The following BUB1B variants were observed in gnomAD, a reference collection of about 807,000 sequenced individuals.
The protein encoded by BUB1B is BUB1 mitotic checkpoint serine/threonine kinase B, also known as mitotic checkpoint serine/threonine-protein kinase BUB1 beta.
A neutral mutation model predicts 137.7 loss-of-function variants in BUB1B; 86 were observed. The ratio of observed to expected loss-of-function variants is 0.62; its 90% CI spans 0.52 to 0.75. The LOEUF is 0.75. Among genes scored for constraint, BUB1B ranks in the 30% least tolerant of loss-of-function variants. BUB1B has a pLI of 0.00. For synonymous variants in BUB1B, 420 were observed against 417.9 expected (o/e 1.00, Z -0.06); for missense variants, 1,130 against 1,236.9 (o/e 0.91, Z 1.30).
In BUB1B at chr15:40,202,425, AT is replaced by A; in HGVS notation, c.1593del (p.Phe531LeufsTer22). On this transcript the variant is annotated frameshift_variant, in exon 13 of 23. Coordinates refer to ENST00000287598, the MANE Select transcript of BUB1B (RefSeq NM_001211.6). LOFTEE classifies it high-confidence loss of function. The stretch of plus-strand genomic sequence containing the variant: ...TCTAGGTCCCAGTGTACCTTTCTCC[AT>A]TTTTGATGAGTTTCTTCTTTCAGAA... ...HSKGPSVPFS[I>X]FDEFLLSEKK... 6.2e-7 allele frequency: 1 copy of A among 1,611,576 alleles called. No individual in the cohort carries two copies. The highest frequency in any genetic ancestry group is 8.5e-7 in the Non-Finnish European group (1 of 1,179,154).
At chr15:40,203,533 G>A (rs530224384) in intron 14 of BUB1B, among the ~76,000 whole-genome samples, 19 of 152,176 alleles carry the variant, frequency 1.2e-4, no homozygotes, top group African/African-American at 4.6e-4. Flanking sequence ...TCAATTTTAT[G>A]GTATATGAAT....
chr15:40,161,915 T>C (rs115194733), intron 1 of BUB1B, among the ~76,000 whole-genome samples: 150 of 152,348 alleles, frequency 9.8e-4, no homozygotes, highest in African/African-American at 3.5e-3. Flanking sequence ...ATGTAACAAG[T>C]ATTTTTTTGG....
chr15:40,219,732 G>A (rs2037865132), intron 22 of BUB1B, among the ~76,000 whole-genome samples: 1 of 149,228 alleles, frequency 6.7e-6, no homozygotes, highest in Non-Finnish European at 1.5e-5. Context: ...AAAAAACTAA[G>A]TATCTACGTT....
chr15:40,169,336 AT>A (rs2037135240), intron 2 of BUB1B, among the ~76,000 whole-genome samples: 1 of 152,096 alleles, frequency 6.6e-6, no homozygotes, highest in Non-Finnish European at 1.5e-5. Flanking sequence ...AACCCTTTAC[AT>A]TTAAGACTAG....
At chr15:40,190,276 A>G (rs1271475698) in intron 8 of BUB1B, among the ~76,000 whole-genome samples, 1 of 152,176 alleles carries the variant, frequency 6.6e-6, no homozygotes, top group African/African-American at 2.4e-5. Flanking sequence ...CAACTTCAGC[A>G]TGTGATTTAT....
At chr15:40,173,295 TAAAAAAAAAA>T (rs61078619) in intron 4 of BUB1B, among the ~76,000 whole-genome samples, 1 of 85,898 alleles carries the variant, frequency 1.2e-5, no homozygotes, top group Non-Finnish European at 2.4e-5. Context: ...GAAAAAAAGA[TAAAAAAAAAA>T]AAAAAAAAAA....
At position 40,183,864 on chromosome 15, in the gene BUB1B, T is replaced by A. The variant is rs780852497; in HGVS notation, c.732T>A (p.Arg244=). The A allele has an allele frequency of 1.1e-5, 18 of 1,613,948 alleles. No individual in the cohort carries two copies. The highest frequency in any genetic ancestry group is 5.0e-5 in the Admixed American group (3 of 59,994). ...GKKTARAPII[R]VGGALKAPSQ... is the part of the protein sequence containing the mutation. ...AGACAGCAAGAGCTCCAATCATCCG[T>A]GTAGGAGGTGCTCTCAAGGGTAAGT... is the stretch of plus-strand genomic sequence containing the variant. Residue 244 remains arginine, a synonymous_variant, in exon 6 of 23, where the codon CGT becomes CGA. Transcript: ENST00000287598.
rs1366874217 is a variant in BUB1B, at chr15:40,185,621, A to G, written c.1037A>G (p.Glu346Gly). 2.5e-6 allele frequency: 4 copies of G among 1,614,074 alleles called. No homozygotes were observed. The Admixed American group carries it at 6.7e-5, about 27-fold the overall frequency. Reference protein sequence around the residue: ...VLPSFTPYVEETARQPVMTPC... With the variant: ...VLPSFTPYVEGTARQPVMTPC... ...CCCAGTTTCACTCCATATGTGGAAG[A>G]GACTGCACGACAGCCAGTTATGTGA... is the stretch of plus-strand genomic sequence containing the variant. Residue 346 changes from glutamate to glycine, a missense_variant, in exon 8 of 23, where the codon GAG (glutamate) becomes GGG (glycine). Physicochemically the swap from Glu to Gly is moderately conservative, Grantham distance 98. Coordinates refer to ENST00000287598, the MANE Select transcript of BUB1B (RefSeq NM_001211.6).
intron 1 of BUB1B, among the ~76,000 whole-genome samples, chr15:40,161,627 G>A (rs2037043960): frequency 6.6e-6 from 1 of 152,200 alleles, no homozygotes; most frequent in Non-Finnish European, 1.5e-5. Context: ...GGTTCTGGGG[G>A]AATTCAAAGT....
In BUB1B at chr15:40,183,745, CTG is replaced by C; in HGVS notation, c.615_616del (p.Leu206GlyfsTer3). The stretch of plus-strand genomic sequence containing the variant: ...CCAAGCTCGAGTGTCTCGGCAAACT[CTG>C]TTGGCACTTGAGAAAGAAGAAGAGG... ...QFQARVSRQT[L>X]LALEKEEEEE... is the part of the protein sequence containing the mutation. On this transcript the variant is annotated frameshift_variant, in exon 6 of 23. Transcript: ENST00000287598. LOFTEE classifies it high-confidence loss of function. 1 of 1,614,106 alleles carries C rather than the reference CTG, an allele frequency of 6.2e-7. No individual in the cohort carries two copies. The highest frequency in any genetic ancestry group is 8.5e-7 in the Non-Finnish European group (1 of 1,179,998).
chr15:40,198,790 C>A (rs1338333568), intron 9 of BUB1B, among the ~76,000 whole-genome samples: 1 of 152,088 alleles, frequency 6.6e-6, no homozygotes, highest in Admixed American at 6.6e-5. Context: ...CCTCTTTACC[C>A]TAACCTGCAA....
rs555567065 is a variant in BUB1B at position 40,202,480 on chromosome 15, TGTTTTTTTG to T, written c.1628+24_1628+32del. The T allele has an allele frequency of 1.1e-4, 178 of 1,609,844 alleles. No homozygotes were observed. In the African/African-American group the frequency reaches 2.1e-3, roughly 19 times the overall value. ...AAGAATAAAAGGTACGTTGTTTTTT[TGTTTTTTTG>T]GTTTTTTTTTACTTAAGAATTTTCT... On this transcript the variant is annotated intron_variant, in intron 13 of 22. Transcript: ENST00000287598.
chr15:40,210,795 C>T (rs2037701505), intron 18 of BUB1B, among the ~76,000 whole-genome samples: 1 of 152,188 alleles, frequency 6.6e-6, no homozygotes, highest in Non-Finnish European at 1.5e-5. Context: ...TCTAACTTTG[C>T]TTTTGAATTT....
At chr15:40,213,649 T>C (rs187660708) in intron 20 of BUB1B, among the ~76,000 whole-genome samples, 175 bp downstream of exon 20, 2 of 149,100 alleles carry the variant, frequency 1.3e-5, no homozygotes, top group African/African-American at 5.2e-5. Context: ...GATTCTCCCA[T>C]CTTAACCTTG....
rs886919031 is a variant in BUB1B, at chr15:40,161,219, G to C, written c.-2G>C. ...GACGAGGACCTGAGCCAGGAATGCA[G>C]GATGGCGGCGGTGAAGAAGGAAGGG... is the stretch of plus-strand genomic sequence containing the variant. On this transcript the variant is annotated 5_prime_UTR_variant, in exon 1 of 23. Transcript: ENST00000287598. 3 of 1,613,514 alleles carry C rather than the reference G, an allele frequency of 1.9e-6. No homozygotes were observed. The highest frequency in any genetic ancestry group is 2.2e-5 in the South Asian group (2 of 90,914).
At chr15:40,201,961 A>G (rs959951420) in intron 12 of BUB1B, among the ~76,000 whole-genome samples, 2 of 151,956 alleles carry the variant, frequency 1.3e-5, no homozygotes, top group Non-Finnish European at 2.9e-5. Flanking sequence ...GAGCCACCAC[A>G]CCCGGCCAAA....
chr15:40,176,352 A>G, intron 4 of BUB1B, 125 bp from the exon 5 acceptor site: 1 of 916,316 alleles, frequency 1.1e-6, no homozygotes, highest in African/African-American at 1.6e-5. Context: ...TCCTTATCAC[A>G]TTGTAATAAT....
At chr15:40,173,686 G>T (rs1474573181) in intron 4 of BUB1B, among the ~76,000 whole-genome samples, 1 of 152,112 alleles carries the variant, frequency 6.6e-6, no homozygotes, top group African/African-American at 2.4e-5. Flanking sequence ...AATAAAACTG[G>T]CCCCTTCGCC....
intron 8 of BUB1B, among the ~76,000 whole-genome samples, chr15:40,193,837 T>C (rs1004794834): frequency 5.6e-4 from 85 of 150,564 alleles, no homozygotes; most frequent in African/African-American, 2.1e-3. Flanking sequence ...GAGGTTGCAG[T>C]GAACTGCGAT....
Sources: gnomAD v4.1 joint callset for allele counts (sites outside exome capture counted in the v4.1 genomes callset) on GRCh38, gnomAD v4.1.1 for gene constraint, MANE v1.5 for transcripts, NCBI Gene and HGNC (gene_info 2026-07-23, HGNC 2026-07-21) for gene names.